ZSWIM6: variants seen among roughly 807,000 people sequenced by gnomAD.
ZSWIM6 encodes zinc finger SWIM domain-containing protein 6.
ZSWIM6 carries 9 observed loss-of-function variants against 113.2 expected under a neutral mutation model. The ratio of observed to expected loss-of-function variants is 0.08; its 90% CI spans 0.05 to 0.14. The LOEUF is 0.14. Ranked by LOEUF, ZSWIM6 falls within the 10% of genes least tolerant of loss-of-function variation. The pLI is 1.00. For synonymous variants in ZSWIM6, 611 were observed against 606.5 expected, an observed-to-expected ratio of 1.01 and a Z score of -0.11; for missense variants, 1,162 against 1,552.2, an observed-to-expected ratio of 0.75 and a Z score of 4.22.
intron 10 of ZSWIM6, among the ~76,000 whole-genome samples, chr5:61,536,681 GA>G (rs1749582427): frequency 6.6e-6 from 1 of 152,110 alleles, no homozygotes; most frequent in Non-Finnish European, 1.5e-5. Context: ...TGTGTATAAG[GA>G]CACCTCTTTT....
intron 1 of ZSWIM6, among the ~76,000 whole-genome samples, chr5:61,452,095 C>T (rs1409700446): frequency 3.9e-5 from 6 of 152,188 alleles, no homozygotes; most frequent in Admixed American, 2.0e-4. Flanking sequence ...TTCCCACCCA[C>T]TGCAGAAATT....
intron 1 of ZSWIM6, among the ~76,000 whole-genome samples, chr5:61,415,592 C>CA (rs34647896): frequency 0.18 from 16,414 of 91,950 alleles, 971 homozygotes; most frequent in Middle Eastern, 0.24. Context: ...ACTCTGTCTC[C>CA]AAAAAAAAAA....
At chr5:61,379,889 G>C (rs756502663) in intron 1 of ZSWIM6, among the ~76,000 whole-genome samples, 1 of 152,150 alleles carries the variant, frequency 6.6e-6, no homozygotes, top group Non-Finnish European at 1.5e-5. Flanking sequence ...AAAAGGAACT[G>C]AAAGTGTGAG....
At chr5:61,351,846 ATGTT>A (rs1198876908) in intron 1 of ZSWIM6, among the ~76,000 whole-genome samples, 1 of 152,144 alleles carries the variant, frequency 6.6e-6, no homozygotes, top group East Asian at 1.9e-4. Flanking sequence ...TTTATATGCT[ATGTT>A]TGTACACACA....
intron 1 of ZSWIM6, among the ~76,000 whole-genome samples, chr5:61,346,148 C>G (rs1744654095): frequency 6.6e-6 from 1 of 152,032 alleles, no homozygotes; most frequent in African/African-American, 2.4e-5. Context: ...CGGGGTTTCA[C>G]CATGTTGGCC....
chr5:61,409,115 C>T (rs965440147), intron 1 of ZSWIM6, among the ~76,000 whole-genome samples: 5 of 136,490 alleles, frequency 3.7e-5, no homozygotes, highest in African/African-American at 5.7e-5. Flanking sequence ...AAATCCAGGC[C>T]TCTGTATTGC....
intron 1 of ZSWIM6, among the ~76,000 whole-genome samples, chr5:61,447,641 T>C (rs1249756261): frequency 6.6e-6 from 1 of 152,168 alleles, no homozygotes; most frequent in Non-Finnish European, 1.5e-5. Context: ...TTAGGAGGGC[T>C]TCTAAGAATT....
At chr5:61,428,581 G>A (rs1746511931) in intron 1 of ZSWIM6, among the ~76,000 whole-genome samples, 1 of 150,868 alleles carries the variant, frequency 6.6e-6, no homozygotes, top group Non-Finnish European at 1.5e-5. Context: ...ATGTTGATAA[G>A]GTTGGTCTCA....
chr5:61,382,528 G>A (rs1164958980), intron 1 of ZSWIM6, among the ~76,000 whole-genome samples: 1 of 152,188 alleles, frequency 6.6e-6, no homozygotes, highest in Non-Finnish European at 1.5e-5. Context: ...TTTGGGCTGG[G>A]CGCAGTGGCT....
chr5:61,346,459 T>C (rs1744660569), intron 1 of ZSWIM6, among the ~76,000 whole-genome samples: 1 of 152,214 alleles, frequency 6.6e-6, no homozygotes, highest in Non-Finnish European at 1.5e-5. Context: ...CCTATTGATA[T>C]CAATGTATCT....
intron 1 of ZSWIM6, among the ~76,000 whole-genome samples, chr5:61,414,875 A>G (rs563590134): frequency 8.7e-4 from 133 of 152,316 alleles, no homozygotes; most frequent in Non-Finnish European, 1.8e-3. Flanking sequence ...ATGAGTTACG[A>G]TAAAAAATGT....
intron 10 of ZSWIM6, among the ~76,000 whole-genome samples, chr5:61,537,560 A>T (rs1405742068): frequency 7.4e-5 from 4 of 53,822 alleles, no homozygotes; most frequent in African/African-American, 4.1e-4. Context: ...ATTCTGAGTT[A>T]AAAAAAAAAA....
In ZSWIM6 at chr5:61,404,164, C is replaced by T. The variant is rs538397110; in HGVS notation, c.677-68517C>T. Among the ~76,000 whole-genome samples the T allele has an allele frequency of 5.3e-5, 8 of 152,212 alleles. No individual in the cohort carries two copies. The South Asian group carries it at 1.0e-3, about 20-fold the overall frequency. On this transcript the variant is annotated intron_variant, in intron 1 of 13. Coordinates refer to ENST00000252744, the MANE Select transcript of ZSWIM6 (RefSeq NM_020928.2). ...CTGGGACTACAGGCGCCTGCCACCA[C>T]GCCCGGCTAATTTTTGTATTTTTAG...
chr5:61,496,953 C>A (rs1319536265), intron 4 of ZSWIM6, among the ~76,000 whole-genome samples: 1 of 152,092 alleles, frequency 6.6e-6, no homozygotes, highest in Non-Finnish European at 1.5e-5. Flanking sequence ...CAACCCTAAA[C>A]CAAGCCATAA....
intron 12 of ZSWIM6, among the ~76,000 whole-genome samples, chr5:61,540,393 A>G (rs185793821): frequency 1.5e-3 from 232 of 152,270 alleles, no homozygotes; most frequent in Non-Finnish European, 2.7e-3. Context: ...TGGAATCTCT[A>G]TTAACATTTG....
At chr5:61,416,095 A>G (rs1197888585) in intron 1 of ZSWIM6, among the ~76,000 whole-genome samples, 2 of 152,218 alleles carry the variant, frequency 1.3e-5, no homozygotes, top group Non-Finnish European at 2.9e-5. Context: ...AAAAAGGGTT[A>G]TATGGAAGTG....
intron 2 of ZSWIM6, among the ~76,000 whole-genome samples, chr5:61,482,206 T>TA (rs1185522085): frequency 1.4e-4 from 22 of 152,348 alleles, no homozygotes; most frequent in African/African-American, 5.0e-4. Flanking sequence ...GTAATGCATG[T>TA]AATCAAGACA....
intron 7 of ZSWIM6, among the ~76,000 whole-genome samples, chr5:61,529,063 C>G (rs980777553): frequency 6.6e-6 from 1 of 152,092 alleles, no homozygotes; most frequent in Non-Finnish European, 1.5e-5. Context: ...CTAAAATTGG[C>G]CGGGCGTGAT....
At chr5:61,352,423 G>T (rs1482729594) in intron 1 of ZSWIM6, among the ~76,000 whole-genome samples, 1 of 152,240 alleles carries the variant, frequency 6.6e-6, no homozygotes, top group Non-Finnish European at 1.5e-5. Context: ...CTCAATAAAA[G>T]TTTGTTGAAT....
Sources: allele counts gnomAD v4.1 joint callset (sites outside exome capture counted in the v4.1 genomes callset), GRCh38; gene constraint gnomAD v4.1.1; transcripts MANE v1.5; gene names NCBI Gene and HGNC (gene_info 2026-07-23, HGNC 2026-07-21).